The following UNC13B variants were observed in gnomAD, a reference collection of about 807,000 sequenced individuals.
UNC13B encodes protein unc-13 homolog B.
Under a neutral mutation model 211.0 loss-of-function variants are expected in UNC13B, and 144 were observed. The ratio of observed to expected loss-of-function variants is 0.68; its 90% CI spans 0.60 to 0.78. UNC13B has a LOEUF of 0.78. Ranked by LOEUF, UNC13B falls within the 30% of genes least tolerant of loss-of-function variation. UNC13B has a pLI of 0.00. For synonymous variants in UNC13B, 709 were observed against 725.8 expected, an observed-to-expected ratio of 0.98 and a Z score of 0.37; for missense variants, 1,777 against 2,002.0, an observed-to-expected ratio of 0.89 and a Z score of 2.14.
At chr9:35,239,010 T>C (rs890666005) in intron 5 of UNC13B, among the ~76,000 whole-genome samples, 12 of 152,000 alleles carry the variant, frequency 7.9e-5, no homozygotes, top group African/African-American at 2.9e-4. Context: ...AATTGCTGGA[T>C]CAAAGTATAA....
intron 7 of UNC13B, among the ~76,000 whole-genome samples, chr9:35,278,735 T>C (rs1213122400): frequency 6.6e-6 from 1 of 151,654 alleles, no homozygotes; most frequent in East Asian, 1.9e-4. Flanking sequence ...TTTTATTTTA[T>C]TTTTTGAAAG....
chr9:35,352,351 G>T, intron 11 of UNC13B: 1 of 1,232,156 alleles, frequency 8.1e-7, no homozygotes, highest in Non-Finnish European at 1.0e-6. Context: ...CTGTTGTGAA[G>T]CTTGCCCATC....
At chr9:35,342,102 G>A in intron 11 of UNC13B, 1 of 985,356 alleles carries the variant, frequency 1.0e-6, no homozygotes, top group Non-Finnish European at 1.2e-6. Flanking sequence ...CATCAACTTT[G>A]TGCCGTGGAG....
intron 7 of UNC13B, among the ~76,000 whole-genome samples, chr9:35,288,986 C>T (rs1222203811): frequency 4.6e-5 from 6 of 129,580 alleles, no homozygotes; most frequent in African/African-American, 1.7e-4. Context: ...GTTGCTATGG[C>T]AACTGTTCTA....
chr9:35,355,983 C>T (rs2132091310), intron 11 of UNC13B, among the ~76,000 whole-genome samples: 1 of 152,288 alleles, frequency 6.6e-6, no homozygotes, highest in South Asian at 2.1e-4. Context: ...CTAGGCAATG[C>T]AGAAACTTGT....
chr9:35,184,834 GAGAA>G (rs1280279401), intron 1 of UNC13B, among the ~76,000 whole-genome samples: 12 of 93,820 alleles, frequency 1.3e-4, no homozygotes, highest in South Asian at 4.0e-4. Context: ...AGAGAGAGAG[GAGAA>G]AGAAAGAAAG....
At chr9:35,208,197 C>T (rs923486593) in intron 1 of UNC13B, among the ~76,000 whole-genome samples, 1 of 152,132 alleles carries the variant, frequency 6.6e-6, no homozygotes, top group Admixed American at 6.6e-5. Context: ...CTGTTTGTTC[C>T]TTATTCTGTA....
chr9:35,400,989 G>A (rs1836262258), intron 37 of UNC13B, among the ~76,000 whole-genome samples: 1 of 152,138 alleles, frequency 6.6e-6, no homozygotes, highest in Non-Finnish European at 1.5e-5. Flanking sequence ...TATGCACAGG[G>A]GACCCAGGAA....
intron 1 of UNC13B, among the ~76,000 whole-genome samples, chr9:35,197,751 C>T (rs1823025844): frequency 6.6e-6 from 1 of 151,912 alleles, no homozygotes; most frequent in Non-Finnish European, 1.5e-5. Flanking sequence ...ATTTGTAGTA[C>T]CTCTCCCACC....
At chr9:35,316,909 A>C (rs561786184) in intron 11 of UNC13B, among the ~76,000 whole-genome samples, 1 of 152,176 alleles carries the variant, frequency 6.6e-6, no homozygotes, top group Admixed American at 6.5e-5. Context: ...TTTAGGAAAC[A>C]ATTAGGCACA....
At chr9:35,381,795 G>A (rs1022475457) in intron 20 of UNC13B, 76 bp downstream of exon 20, 3 of 1,562,336 alleles carry the variant, frequency 1.9e-6, no homozygotes, top group Non-Finnish European at 2.6e-6. Context: ...GACATGGTGG[G>A]CAGGTCCTTA....
At chr9:35,185,291 A>G (rs901821874) in intron 1 of UNC13B, among the ~76,000 whole-genome samples, 7 of 152,194 alleles carry the variant, frequency 4.6e-5, no homozygotes, top group African/African-American at 1.7e-4. Flanking sequence ...TGCTATGTCA[A>G]GTTAAGATCT....
intron 11 of UNC13B, among the ~76,000 whole-genome samples, chr9:35,363,863 G>A (rs1325510087): frequency 6.6e-6 from 1 of 152,096 alleles, no homozygotes; most frequent in Non-Finnish European, 1.5e-5. Context: ...AATCAGATTT[G>A]GGATTGCAGT....
chr9:35,403,918 T>C lies in UNC13B; in HGVS notation c.12908T>C (p.Met4303Thr), dbSNP rs769161004. ...CWCPLGRKIH[M>T]DETGLTILRI... ...TGCCCCTTGGGCCGGAAGATCCATATGGATGAGACAGGCCTGACCATTCTC... is the reference window on the plus strand; with the variant it reads ...TGCCCCTTGGGCCGGAAGATCCATACGGATGAGACAGGCCTGACCATTCTC... Residue 4303 changes from methionine (M) to threonine (T), a missense_variant, in exon 40 of 40, where the codon ATG (methionine) becomes ACG (threonine). By Grantham distance (81) the Met-to-Thr change is moderately conservative (BLOSUM62 -1). Coordinates refer to ENST00000635942, the MANE Select transcript of UNC13B (RefSeq NM_001371189.2). 1.1e-5 allele frequency: 18 copies of C among 1,614,004 alleles called. No homozygotes were observed. The highest frequency in any genetic ancestry group is 1.6e-4 in the Middle Eastern group (1 of 6,084).
intron 16 of UNC13B, 68 bp from the exon 17 acceptor site, chr9:35,378,227 G>A: frequency 6.3e-7 from 1 of 1,597,154 alleles, no homozygotes; most frequent in Non-Finnish European, 8.6e-7. Context: ...AAGATGGAAA[G>A]CATATGAGTA....
At position 35,396,879 on chromosome 9, in the gene UNC13B, A is replaced by C; in HGVS notation, c.11474A>C (p.Asn3825Thr). ...EQFVLQWLDENEDVSLEFLRG... is the reference protein window; with the variant it reads ...EQFVLQWLDETEDVSLEFLRG... Reference sequence around the variant, plus strand: ...TTCGTGCTACAATGGCTGGATGAGAATGAGGATGTATCCCTGGAATTCCTG... The same window carrying C: ...TTCGTGCTACAATGGCTGGATGAGACTGAGGATGTATCCCTGGAATTCCTG... The change falls in exon 28 of 40, where the codon AAT becomes ACT. Residue 3825 changes from asparagine (N) to threonine (T), a missense_variant. Coordinates refer to ENST00000635942, the MANE Select transcript of UNC13B (RefSeq NM_001371189.2). 6.2e-7 allele frequency: 1 copy of C among 1,614,162 alleles called. No homozygotes were observed. The highest frequency in any genetic ancestry group is 8.5e-7 in the Non-Finnish European group (1 of 1,180,036).
In UNC13B at chr9:35,162,462, C is replaced by G. The variant is rs150418140; in HGVS notation, c.22+157C>G. Among the ~76,000 whole-genome samples the G allele has an allele frequency of 1.7e-3, 260 of 152,332 alleles. 2 individuals are homozygous for G. The highest frequency in any genetic ancestry group is 5.9e-3 in the African/African-American group (245 of 41,578). On this transcript the variant is annotated intron_variant, in intron 1 of 39. Transcript: ENST00000635942. ...CAATCACTTAACAATCACTTGAGTTCTTTCCACTTTCTTGTTTTCCCCCAA... is the reference window on the plus strand; with the variant it reads ...CAATCACTTAACAATCACTTGAGTTGTTTCCACTTTCTTGTTTTCCCCCAA...
intron 7 of UNC13B, among the ~76,000 whole-genome samples, chr9:35,272,898 C>A (rs1827973500): frequency 6.6e-6 from 1 of 152,076 alleles, no homozygotes; most frequent in Admixed American, 6.6e-5. Context: ...CTTCTGGGGT[C>A]TATGTTATTT....
intron 1 of UNC13B, among the ~76,000 whole-genome samples, chr9:35,213,362 GC>G (rs11299606): frequency 0.14 from 22,015 of 152,200 alleles, 1,852 homozygotes; most frequent in Admixed American, 0.25. Flanking sequence ...TGAGAGCGCA[GC>G]CATCTGCAAG....
Sources: allele counts gnomAD v4.1 joint callset (sites outside exome capture counted in the v4.1 genomes callset), GRCh38; gene constraint gnomAD v4.1.1; transcripts MANE v1.5; gene names NCBI Gene and HGNC (gene_info 2026-07-23, HGNC 2026-07-21).